Variants in NAV2 observed in about 807,000 individuals in gnomAD.
NAV2 encodes neuron navigator 2, also known as helicase, APC down-regulated 1.
Under a neutral mutation model 223.2 loss-of-function variants are expected in NAV2, and 54 were observed. The observed-to-expected ratio is 0.24, with a 90% CI of 0.19 to 0.30. The LOEUF (loss-of-function observed/expected upper bound fraction) is 0.30. Ranked by LOEUF, NAV2 falls within the 10% of genes least tolerant of loss-of-function variation. The pLI, the probability that NAV2 is intolerant of heterozygous loss-of-function variation, is 1.00. For missense variants in NAV2, 2,806 were observed against 3,147.5 expected (o/e 0.89, Z 2.60); for synonymous variants, 1,279 against 1,239.3 (o/e 1.03, Z -0.67).
chr11:19,952,987 G>A (rs867483067), intron 10 of NAV2, among the ~76,000 whole-genome samples: 1 of 152,250 alleles, frequency 6.6e-6, no homozygotes, highest in Non-Finnish European at 1.5e-5. Context: ...GGCTGTAGTG[G>A]GGAGGAAATT....
chr11:19,378,976 C>T (rs1848741056), intron 1 of NAV2, among the ~76,000 whole-genome samples: 1 of 152,198 alleles, frequency 6.6e-6, no homozygotes, highest in South Asian at 2.1e-4. Flanking sequence ...CTGGCTTCGT[C>T]CCTCACTCCC....
chr11:19,479,345 C>A (rs1386541438), intron 1 of NAV2, among the ~76,000 whole-genome samples: 1 of 152,122 alleles, frequency 6.6e-6, no homozygotes, highest in Non-Finnish European at 1.5e-5. Context: ...GAGATTGCTT[C>A]TTTTGGGTGT....
intron 8 of NAV2, 87 bp from the exon 9 acceptor site, chr11:19,946,314 T>C (rs1034799394): frequency 3.4e-6 from 4 of 1,173,704 alleles, no homozygotes; most frequent in African/African-American, 1.6e-5. Flanking sequence ...GCATGGAATA[T>C]GGTTATGGTC....
Position 20,027,418 on chromosome 11 carries a change from T to C in NAV2, c.2769-8541T>C, listed in dbSNP as rs1183659626. 9.1e-6 allele frequency: 9 copies of C among 985,454 alleles called. No individual in the cohort carries two copies. In the South Asian group the frequency reaches 1.9e-4, roughly 21 times the overall value. The allele number at this position is 985,454 out of a possible 1,614,324, so 61.0% of individuals were successfully genotyped here. On this transcript the variant is annotated intron_variant, in intron 11 of 37. Transcript: ENST00000349880. The stretch of plus-strand genomic sequence containing the variant: ...TCTGGCGGGGGGCATGGGCCAGCCC[T>C]GTAAATGGGCTGTGCCTTGATTCTG...
chr11:19,432,433 A>G (rs1453944641), intron 1 of NAV2, among the ~76,000 whole-genome samples: 1 of 152,236 alleles, frequency 6.6e-6, no homozygotes, highest in Non-Finnish European at 1.5e-5. Context: ...GTGGTGATTA[A>G]GGGAAAAGAT....
intron 4 of NAV2, among the ~76,000 whole-genome samples, chr11:19,876,918 C>T (rs1404723502): frequency 6.8e-6 from 1 of 147,360 alleles, no homozygotes; most frequent in Admixed American, 6.8e-5. Context: ...ATAAAATAAA[C>T]ATTAAATATA....
intron 27 of NAV2, among the ~76,000 whole-genome samples, chr11:20,091,392 T>C (rs1473349244): frequency 6.6e-6 from 1 of 152,072 alleles, no homozygotes; most frequent in Non-Finnish European, 1.5e-5. Context: ...ACTGCCCCCT[T>C]TGCATCCTTG....
chr11:19,485,467 A>C lies in NAV2; in HGVS notation c.75+134440A>C, dbSNP rs560595736. 3.9e-5 allele frequency among the ~76,000 whole-genome samples: 6 copies of C among 152,260 alleles called. No homozygotes were observed. The South Asian group carries it at 1.2e-3, about 32-fold the overall frequency. ...GGAAGTTACCAACACACAGGGCTTG[A>C]CTGAGGGACATTTAAAGGCCCATCC... is the stretch of plus-strand genomic sequence containing the variant. On this transcript the variant is annotated intron_variant, in intron 1 of 37. Coordinates refer to the NAV2 transcript ENST00000360655.
intron 11 of NAV2, among the ~76,000 whole-genome samples, chr11:19,997,016 C>T (rs550370201): frequency 5.3e-5 from 8 of 152,158 alleles, no homozygotes; most frequent in Admixed American, 4.6e-4. Flanking sequence ...CACAAGCCTA[C>T]GGTTTCTGTA....
chr11:19,815,994 G>A (rs1004031595), intron 1 of NAV2, among the ~76,000 whole-genome samples: 4 of 152,130 alleles, frequency 2.6e-5, no homozygotes, highest in Admixed American at 6.5e-5. Context: ...TGTGCTCTGG[G>A]CCAGGTTGTC....
At chr11:19,912,294 T>C (rs1170401026) in intron 6 of NAV2, among the ~76,000 whole-genome samples, 1 of 152,232 alleles carries the variant, frequency 6.6e-6, no homozygotes, top group Non-Finnish European at 1.5e-5. Context: ...GTGATTCTTG[T>C]ATGTTTCTAT....
chr11:19,463,484 G>A (rs752870642), intron 1 of NAV2, among the ~76,000 whole-genome samples: 10 of 152,352 alleles, frequency 6.6e-5, no homozygotes, highest in Non-Finnish European at 1.2e-4. Flanking sequence ...AGACAGCACT[G>A]CCAGGCAGAT....
At chr11:19,353,554 A>T (rs1458409999) in intron 1 of NAV2, among the ~76,000 whole-genome samples, 1 of 152,240 alleles carries the variant, frequency 6.6e-6, no homozygotes, top group African/African-American at 2.4e-5. Flanking sequence ...CATTTTCAAC[A>T]TAGGACAATG....
At chr11:20,106,191 A>G (rs372215521) in intron 35 of NAV2, among the ~76,000 whole-genome samples, 6,502 of 21,760 alleles carry the variant, frequency 0.3, 1,362 homozygotes, top group Non-Finnish European at 0.56. Flanking sequence ...GTGTATATAT[A>G]TATATATATA....
chr11:19,581,176 G>A (rs1434935535), intron 1 of NAV2, among the ~76,000 whole-genome samples: 1 of 152,090 alleles, frequency 6.6e-6, no homozygotes, highest in Non-Finnish European at 1.5e-5. Context: ...TCTGTAGGTT[G>A]TTATATAATT....
At chr11:19,528,054 A>G (rs1342303603) in intron 1 of NAV2, among the ~76,000 whole-genome samples, 3 of 152,140 alleles carry the variant, frequency 2.0e-5, no homozygotes, top group African/African-American at 7.2e-5. Context: ...GAGCTTTGTG[A>G]AATCAAGCCA....
At chr11:19,819,808 G>C (rs999452305) in intron 1 of NAV2, among the ~76,000 whole-genome samples, 2 of 152,246 alleles carry the variant, frequency 1.3e-5, no homozygotes, top group African/African-American at 4.8e-5. Flanking sequence ...CTGAGGCTTA[G>C]AGAGTGGTGG....
At chr11:19,854,428 C>T (rs2061315198) in intron 3 of NAV2, among the ~76,000 whole-genome samples, 1 of 152,020 alleles carries the variant, frequency 6.6e-6, no homozygotes, top group African/African-American at 2.4e-5. Context: ...GAACAGATGC[C>T]AACAGTTAGA....
At chr11:19,896,524 CA>C (rs2041996333) in intron 6 of NAV2, among the ~76,000 whole-genome samples, 1 of 152,046 alleles carries the variant, frequency 6.6e-6, no homozygotes, top group South Asian at 2.1e-4. Context: ...TTTTATCTAT[CA>C]AAATGTGATA....
Sources: allele counts gnomAD v4.1 joint callset (sites outside exome capture counted in the v4.1 genomes callset), GRCh38; gene constraint gnomAD v4.1.1; transcripts MANE v1.5; gene names NCBI Gene and HGNC (gene_info 2026-07-23, HGNC 2026-07-21).